NYAP2: variants seen among roughly 807,000 people sequenced by gnomAD.
NYAP2 encodes neuronal tyrosine-phosphorylated phosphoinositide-3-kinase adaptor 2.
In NYAP2, 23 loss-of-function variants were observed where a neutral mutation model predicts 50.4. That is an observed-to-expected ratio of 0.46 (90% CI 0.33 to 0.65). NYAP2 has a LOEUF of 0.65. NYAP2 is among the 30% of genes least tolerant of loss of function. NYAP2 has a pLI of 0.02. For missense variants in NYAP2, 885 were observed against 861.0 expected, an observed-to-expected ratio of 1.03 and a Z score of -0.35; for synonymous variants, 394 against 365.2, an observed-to-expected ratio of 1.08 and a Z score of -0.90.
intron 6 of NYAP2, among the ~76,000 whole-genome samples, chr2:225,635,254 G>A (rs1251743919): frequency 2.0e-5 from 3 of 152,150 alleles, no homozygotes; most frequent in Non-Finnish European, 4.4e-5. Flanking sequence ...GTAATAAATC[G>A]ACATAGTTTT....
chr2:225,681,512 C>T, the NYAP2 span, among the ~76,000 whole-genome samples: 3 of 152,128 alleles, frequency 2.0e-5, no homozygotes, highest in Non-Finnish European at 2.9e-5. Flanking sequence ...TTTACGGATT[C>T]TGGAATTCGA....
chr2:225,572,869 G>GT (rs2106223017), intron 4 of NYAP2, among the ~76,000 whole-genome samples: 1 of 152,166 alleles, frequency 6.6e-6, no homozygotes, highest in South Asian at 2.1e-4. Context: ...TGGTCTTAAG[G>GT]TTTTCCATCC....
rs147480586 is a variant in NYAP2 at position 225,422,848 on chromosome 2, C to A, written c.221+13747C>A. Among the ~76,000 whole-genome samples the A allele has an allele frequency of 2.6e-5, 4 of 152,218 alleles. No homozygotes were observed. In the South Asian group the frequency reaches 8.3e-4, roughly 32 times the overall value. ...ACAGCATCTTAGTCTGGTTTCTAAT[C>A]GTGAACGATTCTTTTTAATGATAGA... On this transcript the variant is annotated intron_variant, in intron 3 of 6. Transcript: ENST00000636099.
In NYAP2 at chr2:225,495,440, C is replaced by A. The variant is rs549999798; in HGVS notation, c.222-17931C>A. Among the ~76,000 whole-genome samples, 6 of 152,204 alleles carry A rather than the reference C, an allele frequency of 3.9e-5. No individual in the cohort carries two copies. In the East Asian group the frequency reaches 1.2e-3, roughly 29 times the overall value. ...CAGAAGAATTCATTATTCACTCATC[C>A]CCTCCATCTAAAGGAGGTCCTCCCT... On this transcript the variant is annotated intron_variant, in intron 3 of 6. Transcript: ENST00000636099.
At chr2:225,468,601 A>G (rs1368001880) in intron 3 of NYAP2, among the ~76,000 whole-genome samples, 1 of 152,206 alleles carries the variant, frequency 6.6e-6, no homozygotes, top group African/African-American at 2.4e-5. Context: ...TCAATGATAA[A>G]TGAAGAAACT....
intron 6 of NYAP2, among the ~76,000 whole-genome samples, chr2:225,631,138 T>C (rs189536959): frequency 6.6e-6 from 1 of 152,308 alleles, no homozygotes; most frequent in East Asian, 1.9e-4. Flanking sequence ...AACAGTTAGA[T>C]AGTCCATAAT....
chr2:225,420,887 G>A (rs1338014814), intron 3 of NYAP2, among the ~76,000 whole-genome samples: 1 of 151,972 alleles, frequency 6.6e-6, no homozygotes, highest in Non-Finnish European at 1.5e-5. Context: ...TGAGCTATTA[G>A]GATTTCTTTC....
At chr2:225,543,821 G>A (rs993579416) in intron 4 of NYAP2, among the ~76,000 whole-genome samples, 1 of 151,904 alleles carries the variant, frequency 6.6e-6, no homozygotes, top group Non-Finnish European at 1.5e-5. Context: ...TTGACTTTCC[G>A]TCTGGGAGAT....
chr2:225,595,103 C>T (rs1692573576), intron 5 of NYAP2, among the ~76,000 whole-genome samples: 3 of 152,144 alleles, frequency 2.0e-5, no homozygotes, highest in Non-Finnish European at 4.4e-5. Context: ...ACATATTCTA[C>T]TACTCAACTT....
At chr2:225,675,668 G>A in the NYAP2 span, among the ~76,000 whole-genome samples, 58 of 152,268 alleles carry the variant, frequency 3.8e-4, no homozygotes, top group Non-Finnish European at 7.6e-4. Flanking sequence ...CCAGTAGTGG[G>A]ATTATTAGCT....
At chr2:225,672,698 T>A in the NYAP2 span, among the ~76,000 whole-genome samples, 3 of 152,182 alleles carry the variant, frequency 2.0e-5, no homozygotes, top group East Asian at 5.8e-4. Context: ...TCAAAGCGAG[T>A]AATGTGCAGC....
intron 5 of NYAP2, among the ~76,000 whole-genome samples, chr2:225,597,315 G>A (rs1405540122): frequency 6.6e-6 from 1 of 150,618 alleles, no homozygotes; most frequent in African/African-American, 2.4e-5. Flanking sequence ...TTTCTCCTGA[G>A]TCCCCAAAGT....
At chr2:225,457,623 T>C (rs940596500) in intron 3 of NYAP2, among the ~76,000 whole-genome samples, 11 of 152,170 alleles carry the variant, frequency 7.2e-5, no homozygotes, top group Non-Finnish European at 1.3e-4. Flanking sequence ...CTTGTCAACT[T>C]CCACCAGACT....
At chr2:225,480,635 G>A (rs1278861784) in intron 3 of NYAP2, among the ~76,000 whole-genome samples, 1 of 151,912 alleles carries the variant, frequency 6.6e-6, no homozygotes, top group African/African-American at 2.4e-5. Context: ...AGTGGTTGAG[G>A]GTATAGCAAG....
chr2:225,442,438 A>C (rs189437493), intron 3 of NYAP2, among the ~76,000 whole-genome samples: 1 of 152,358 alleles, frequency 6.6e-6, no homozygotes, highest in East Asian at 1.9e-4. Flanking sequence ...CTGATGAAGA[A>C]AATGTGCATT....
At chr2:225,546,254 C>T (rs143562410) in intron 4 of NYAP2, among the ~76,000 whole-genome samples, 108 of 152,278 alleles carry the variant, frequency 7.1e-4, no homozygotes, top group African/African-American at 2.6e-3. Flanking sequence ...GCCATGTTTG[C>T]GTCCTTCCCT....
intron 4 of NYAP2, among the ~76,000 whole-genome samples, chr2:225,537,457 G>C (rs1176775739): frequency 1.3e-5 from 2 of 152,144 alleles, no homozygotes; most frequent in African/African-American, 2.4e-5. Context: ...AAGGTGAAAG[G>C]CATGTCTCAC....
intron 6 of NYAP2, among the ~76,000 whole-genome samples, chr2:225,636,837 C>G (rs1693428125): frequency 2.0e-5 from 3 of 152,110 alleles, no homozygotes; most frequent in Admixed American, 2.0e-4. Context: ...GGAGAACCCC[C>G]CAAAATGTGA....
the NYAP2 span, among the ~76,000 whole-genome samples, chr2:225,694,310 T>C: frequency 6.6e-6 from 1 of 151,904 alleles, no homozygotes; most frequent in Non-Finnish European, 1.5e-5. Flanking sequence ...TCTTTTTTTT[T>C]TCTTTTAAGA....
Sources: gnomAD v4.1 joint callset for allele counts (sites outside exome capture counted in the v4.1 genomes callset) on GRCh38, gnomAD v4.1.1 for gene constraint, MANE v1.5 for transcripts, NCBI Gene and HGNC (gene_info 2026-07-23, HGNC 2026-07-21) for gene names.